The following ZNF695 variants were observed in gnomAD, a reference collection of about 807,000 sequenced individuals.
ZNF695 encodes zinc finger protein SBZF3.
Under a neutral mutation model 11.2 loss-of-function variants are expected in ZNF695, and 11 were observed. That is an observed-to-expected ratio of 0.98 (90% CI 0.62 to 1.62). ZNF695 has a LOEUF of 1.62. Among genes scored for constraint, ZNF695 ranks in the 40% most tolerant of loss-of-function variants. The pLI is 0.00. For missense variants in ZNF695, 559 were observed against 590.5 expected, an observed-to-expected ratio of 0.95 and a Z score of 0.55; for synonymous variants, 190 against 201.4, an observed-to-expected ratio of 0.94 and a Z score of 0.48.
rs576963598 is a variant in ZNF695 at position 246,960,398 on chromosome 1, T to C, written c.488+7297A>G. Among the ~76,000 whole-genome samples the C allele has an allele frequency of 3.9e-5, 6 of 152,202 alleles. No individual in the cohort carries two copies. The South Asian group carries it at 1.2e-3, about 32-fold the overall frequency. ...ATATAGAGTGTGGTTTCTTTTGGAG[T>C]GGTTTGCTAGTTTCTCCAATGCTGT... On this transcript the variant is annotated intron_variant, in intron 5 of 5. Transcript: ENST00000487338.
At position 246,986,095 on chromosome 1, in the gene ZNF695, G is replaced by C; in HGVS notation, c.*872C>G. ...GTTGTTATTATTATTATTGAGAAAGGGTCTTGCTCTGTTGCCCAGGCAGGA... is the reference window on the plus strand; with the variant it reads ...GTTGTTATTATTATTATTGAGAAAGCGTCTTGCTCTGTTGCCCAGGCAGGA... On this transcript the variant is annotated 3_prime_UTR_variant, in exon 4 of 4. Transcript: ENST00000339986. 1 of 953,116 alleles carries C rather than the reference G, an allele frequency of 1.0e-6. No homozygotes were observed. Among genetic ancestry groups the C allele is most frequent in the Non-Finnish European group, 1.2e-6 (1 of 800,618 alleles). The allele number at this position is 953,116 out of a possible 1,614,324, so 59.0% of individuals were successfully genotyped here. A position where few individuals can be genotyped will look rare whatever the true frequency, so the allele number is the denominator to read the frequency against.
intron 5 of ZNF695, among the ~76,000 whole-genome samples, chr1:246,948,950 T>C (rs761039886): frequency 6.6e-6 from 1 of 152,196 alleles, no homozygotes; most frequent in Non-Finnish European, 1.5e-5. Flanking sequence ...CTATGTACAA[T>C]ACCTAGAATA....
intron 4 of ZNF695, among the ~76,000 whole-genome samples, chr1:246,970,072 T>G (rs1217701152): frequency 6.6e-6 from 1 of 152,216 alleles, no homozygotes; most frequent in Admixed American, 6.5e-5. Flanking sequence ...TTTCCAGTAT[T>G]GCTATCATAG....
At chr1:247,006,323 G>A (rs116800132) in intron 1 of ZNF695, among the ~76,000 whole-genome samples, 1 of 149,554 alleles carries the variant, frequency 6.7e-6, no homozygotes, top group Non-Finnish European at 1.5e-5. Flanking sequence ...GCAAATAAAG[G>A]ACAAATAAGC....
At chr1:246,978,459 T>C (rs961852355) in intron 4 of ZNF695, among the ~76,000 whole-genome samples, 2 of 152,208 alleles carry the variant, frequency 1.3e-5, no homozygotes, top group Non-Finnish European at 2.9e-5. Flanking sequence ...GTGCTTTAAT[T>C]TGCATGATGA....
intron 5 of ZNF695, among the ~76,000 whole-genome samples, chr1:246,956,507 T>C (rs1668005894): frequency 6.6e-6 from 1 of 151,530 alleles, no homozygotes; most frequent in Admixed American, 6.6e-5. Context: ...TCCCAGCTAC[T>C]CAGGAGGCTG....
chr1:246,955,665 T>G (rs147086209), intron 5 of ZNF695, among the ~76,000 whole-genome samples: 122 of 152,318 alleles, frequency 8.0e-4, no homozygotes, highest in Middle Eastern at 3.4e-3. Flanking sequence ...CCCCAAGATT[T>G]GTTTCAATCC....
At chr1:246,956,576 G>A (rs1668008332) in intron 5 of ZNF695, among the ~76,000 whole-genome samples, 1 of 151,954 alleles carries the variant, frequency 6.6e-6, no homozygotes, top group African/African-American at 2.4e-5. Context: ...AGATTGTGCC[G>A]CTGCACTCCA....
At chr1:246,967,407 A>G (rs114925899) in intron 5 of ZNF695, 8,187 of 456,466 alleles carry the variant, frequency 0.018, 409 homozygotes, top group African/African-American at 0.12. Flanking sequence ...GTGGCAAGAC[A>G]TAGTTGAATT....
chr1:246,990,993 CA>C (rs1408722179), intron 3 of ZNF695, among the ~76,000 whole-genome samples: 2 of 151,972 alleles, frequency 1.3e-5, no homozygotes, highest in African/African-American at 4.8e-5. Flanking sequence ...CAAGTGCCTA[CA>C]TCAAAAAAGA....
rs1396999477 is a variant in ZNF695 at position 246,987,058 on chromosome 1, T to C, written c.1457A>G (p.His486Arg). Reference sequence around the variant, plus strand: ...ACACTTGTATGGTTTCTCTCTGGTATGAATTGTCTTATGTTTAGAAAGGTG... The same window carrying C: ...ACACTTGTATGGTTTCTCTCTGGTACGAATTGTCTTATGTTTAGAAAGGTG... The part of the protein sequence containing the change: ...SSHLSKHKTI[H>R]TREKPYKCEE... The change falls in exon 4 of 4, where the codon CAT (histidine) becomes CGT (arginine). Residue 486 changes from histidine to arginine, a missense_variant. Coordinates refer to ENST00000339986, the MANE Select transcript of ZNF695 (RefSeq NM_020394.5). The C allele has an allele frequency of 1.9e-6, 3 of 1,613,978 alleles. No individual in the cohort carries two copies. The highest frequency in any genetic ancestry group is 2.5e-6 in the Non-Finnish European group (3 of 1,179,986).
At chr1:247,002,409 A>T (rs1669413058) in intron 1 of ZNF695, among the ~76,000 whole-genome samples, 1 of 152,216 alleles carries the variant, frequency 6.6e-6, no homozygotes, top group African/African-American at 2.4e-5. Context: ...AAAGTTAGAA[A>T]AATCTCATAT....
rs146413362 is a variant in ZNF695, at chr1:246,961,514, C to T, written c.488+6181G>A. 6.0e-3 allele frequency among the ~76,000 whole-genome samples: 912 copies of T among 152,276 alleles called. 6 individuals carry two copies. Among genetic ancestry groups the T allele is most frequent in the South Asian group, 0.018 (86 of 4,820 alleles). On this transcript the variant is annotated intron_variant, in intron 5 of 5. Transcript: ENST00000487338. The stretch of plus-strand genomic sequence containing the variant: ...AAGCTGCTTGAGTTTAAGAGTGTTG[C>T]TTTCACAGCTCTCTTCATACGTACA...
intron 1 of ZNF695, among the ~76,000 whole-genome samples, chr1:247,001,454 G>GT (rs1669379345): frequency 6.6e-6 from 1 of 151,588 alleles, no homozygotes; most frequent in African/African-American, 2.4e-5. Flanking sequence ...GCTCACAGCT[G>GT]TAATCGCAGC....
chr1:246,987,809 C>G lies in ZNF695; in HGVS notation c.706G>C (p.Gly236Arg). 1.2e-6 allele frequency: 2 copies of G among 1,609,780 alleles called. No individual in the cohort carries two copies. Among genetic ancestry groups the G allele is most frequent in the Non-Finnish European group, 8.5e-7 (1 of 1,178,830 alleles). Residue 236 changes from glycine (G) to arginine (R), a missense_variant, in exon 4 of 4, where the codon GGA (glycine) becomes CGA (arginine). Transcript: ENST00000339986. ...TCTTCACATTTGCAATGTTTCTCTC[C>G]AACATGAATTCTCTTACAGTCAGTA... ...CFTDCKRIHV[G>R]EKHCKCEECN...
intron 5 of ZNF695, among the ~76,000 whole-genome samples, chr1:246,959,648 G>T (rs1331047113): frequency 6.6e-6 from 1 of 151,736 alleles, no homozygotes; most frequent in Non-Finnish European, 1.5e-5. Flanking sequence ...GGCTGGTCTC[G>T]AACTCCTGAC....
chr1:247,000,146 G>C, intron 1 of ZNF695, 72 bp from the exon 2 acceptor site: 1 of 1,350,498 alleles, frequency 7.4e-7, no homozygotes, highest in Non-Finnish European at 1.0e-6. Flanking sequence ...AGGAGAGACA[G>C]TGAAGAGAAC....
chr1:246,982,583 T>C (rs1668738184), downstream of ZNF695, among the ~76,000 whole-genome samples: 1 of 152,204 alleles, frequency 6.6e-6, no homozygotes, highest in Non-Finnish European at 1.5e-5. Context: ...ACACTTTGTG[T>C]CAGGATTTTA....
chr1:246,959,282 CAAAAAAAAA>C (rs1189262229), intron 5 of ZNF695, among the ~76,000 whole-genome samples: 1 of 7,428 alleles, frequency 1.3e-4, no homozygotes, highest in African/African-American at 6.6e-4. Flanking sequence ...GACCCTGTCT[CAAAAAAAAA>C]AAAAAAAAAA....
Sources: allele counts gnomAD v4.1 joint callset (sites outside exome capture counted in the v4.1 genomes callset), GRCh38; gene constraint gnomAD v4.1.1; transcripts MANE v1.5; gene names NCBI Gene and HGNC (gene_info 2026-07-23, HGNC 2026-07-21).